AGRN: variants seen among roughly 807,000 people sequenced by gnomAD.
AGRN encodes the protein agrin.
A neutral mutation model predicts 211.0 loss-of-function variants in AGRN; 106 were observed. That is an observed-to-expected ratio of 0.50 (90% CI 0.43 to 0.59). The LOEUF (loss-of-function observed/expected upper bound fraction) is 0.59. Among genes scored for constraint, AGRN ranks in the 20% least tolerant of loss-of-function variants. The pLI is 0.00. For synonymous variants in AGRN, 1,525 were observed against 1,332.5 expected (o/e 1.14, Z -3.15); for missense variants, 3,040 against 2,982.6 (o/e 1.02, Z -0.45).
At chr1:1,052,309 C>T (rs1645319406) in intron 33 of AGRN, 1 of 351,698 alleles carries the variant, frequency 2.8e-6, no homozygotes, top group South Asian at 2.1e-5. Flanking sequence ...TGTGAACATG[C>T]AGCTGTGTCT....
chr1:1,034,058 C>T, intron 2 of AGRN: 4 of 939,204 alleles, frequency 4.3e-6, no homozygotes, highest in Non-Finnish European at 5.1e-6. Flanking sequence ...GCGCGGCCTC[C>T]GCAGGCGGCG....
intron 30 of AGRN, 45 bp downstream of exon 30, chr1:1,050,882 T>C (rs1185161981): frequency 2.0e-6 from 3 of 1,523,660 alleles, no homozygotes; most frequent in East Asian, 2.5e-5. Flanking sequence ...CTGCCTGCTC[T>C]TCCTCCTCGG....
At position 1,053,845 on chromosome 1, in the gene AGRN, G is replaced by A. The variant is rs150134229; in HGVS notation, c.5744G>A (p.Arg1915Gln). Residue 1915 changes from arginine to glutamine, a missense_variant, in exon 34 of 36, where the codon CGG becomes CAG. This residue lies in a region of AGRN where 1,537 missense variants were observed against 1,505.0 expected (regional missense o/e 1.02). Coordinates refer to ENST00000379370, the MANE Select transcript of AGRN (RefSeq NM_198576.4). ...CTCTGGAGTGGCAAGGCCACGGAGCGGGCAGACTATGTGGCACTGGCCATT... is the reference window on the plus strand; with the variant it reads ...CTCTGGAGTGGCAAGGCCACGGAGCAGGCAGACTATGTGGCACTGGCCATT... ...LVLWSGKATE[R>Q]ADYVALAIVD... 28 of 1,610,514 alleles carry A rather than the reference G, an allele frequency of 1.7e-5. No individual in the cohort carries two copies. Among genetic ancestry groups the A allele is most frequent in the Middle Eastern group, 1.7e-4 (1 of 5,880 alleles).
At chr1:1,053,610 C>T (rs1645370531) in intron 33 of AGRN, 143 bp from the exon 34 acceptor site, 1 of 1,491,648 alleles carries the variant, frequency 6.7e-7, no homozygotes, top group Non-Finnish European at 9.0e-7. Context: ...CTCCCTCCCA[C>T]TGTCGGTGTC....
Position 1,041,374 on chromosome 1 carries a change from T to G in AGRN, c.929T>G (p.Phe310Cys). Residue 310 changes from phenylalanine (F) to cysteine (C), a missense_variant, in exon 5 of 36, where the codon TTC becomes TGC. By Grantham distance (205) the Phe-to-Cys change is radical. Coordinates refer to ENST00000379370, the MANE Select transcript of AGRN (RefSeq NM_198576.4). Reference sequence around the variant, plus strand: ...GCCTGCGCCCGCCAGGAGAATGTCTTCAAGAAGTTCGACGGCCCTTGTGGT... The same window carrying G: ...GCCTGCGCCCGCCAGGAGAATGTCTGCAAGAAGTTCGACGGCCCTTGTGGT... ...RRACARQENVFKKFDGPCDPC... is the reference protein window; with the variant it reads ...RRACARQENVCKKFDGPCDPC... The G allele has an allele frequency of 6.5e-7, 1 of 1,540,818 alleles. No individual in the cohort carries two copies. Among genetic ancestry groups the G allele is most frequent in the Non-Finnish European group, 8.7e-7 (1 of 1,150,288 alleles).
At chr1:1,037,341 C>G (rs879417199) in intron 3 of AGRN, among the ~76,000 whole-genome samples, 2 of 152,190 alleles carry the variant, frequency 1.3e-5, no homozygotes, top group Non-Finnish European at 2.9e-5. Flanking sequence ...CCCCCTTCAC[C>G]TGGCCACAGC....
In AGRN at chr1:1,046,183, A is replaced by G. The variant is rs774682347; in HGVS notation, c.2829A>G (p.Thr943=). 4.0e-5 allele frequency: 65 copies of G among 1,613,728 alleles called. No homozygotes were observed. Among genetic ancestry groups the G allele is most frequent in the African/African-American group, 3.9e-4 (29 of 74,910 alleles). ...AGGTCTGTGGGTCAGATGGAGTCAC[A>G]TACGGCAACGAGTGTCAGCTGAAGA... ...ATKVCGSDGV[T]YGNECQLKTI... The change falls in exon 17 of 36, where the codon ACA becomes ACG. Residue 943 remains threonine, a synonymous_variant. Coordinates refer to ENST00000379370, the MANE Select transcript of AGRN (RefSeq NM_198576.4).
chr1:1,046,798 G>A (rs777796743), intron 18 of AGRN, 22 bp from the exon 19 acceptor site: 2 of 1,575,824 alleles, frequency 1.3e-6, no homozygotes, highest in Admixed American at 3.7e-5. Flanking sequence ...CCAGAGCCTG[G>A]GCTCAGAGCG....
At chr1:1,052,570 G>C (rs910729166) in intron 33 of AGRN, 2 of 202,862 alleles carry the variant, frequency 9.9e-6, no homozygotes, top group African/African-American at 4.7e-5. Context: ...AGGGAGACAC[G>C]CAGGTGTGTG....
chr1:1,054,492 T>A lies in AGRN; in HGVS notation c.5921T>A (p.Val1974Glu). 6.2e-7 allele frequency: 1 copy of A among 1,603,216 alleles called. No homozygotes were observed. Reference protein sequence around the residue: ...GSLQVGNEAPVTGSSPLGATQ... With the variant: ...GSLQVGNEAPETGSSPLGATQ... ...CTGCAGGTGGGCAATGAGGCCCCTG[T>A]GACCGGCTCCTCCCCGCTGGGCGCC... Residue 1974 changes from valine (V) to glutamate (E), a missense_variant, in exon 35 of 36, where the codon GTG becomes GAG. Val to Glu is a moderately radical substitution (Grantham distance 121). Coordinates refer to ENST00000379370, the MANE Select transcript of AGRN (RefSeq NM_198576.4).
chr1:1,041,319 T>C lies in AGRN; in HGVS notation c.874T>C (p.Tyr292His). Residue 292 changes from tyrosine (Y) to histidine (H), a missense_variant, in exon 5 of 36, where the codon TAC becomes CAC. Around this residue, in one of 3 missense-constraint regions of AGRN, gnomAD observed 1,498 missense variants for 1,457.8 expected, o/e 1.03. Coordinates refer to ENST00000379370, the MANE Select transcript of AGRN (RefSeq NM_198576.4). ...CGTCTGCGGCAGCGACGGCGCCGAC[T>C]ACCCCGGCGAGTGCCAGCTCCTGCG... ...GTVCGSDGAD[Y>H]PGECQLLRRA... 6 of 1,522,236 alleles carry C rather than the reference T, an allele frequency of 3.9e-6. No homozygotes were observed. Among genetic ancestry groups the C allele is most frequent in the Non-Finnish European group, 4.4e-6 (5 of 1,141,366 alleles). The allele number at this position is 1,522,236 out of a possible 1,614,324, so 94.3% of individuals were successfully genotyped here.
intron 33 of AGRN, chr1:1,053,364 T>G: frequency 4.5e-6 from 5 of 1,121,202 alleles, no homozygotes; most frequent in Non-Finnish European, 5.8e-6. Context: ...ATGTCTTCTG[T>G]GGGTGCCTGC....
Position 1,043,099 on chromosome 1 carries a change from T to C in AGRN, c.1385-140T>C, listed in dbSNP as rs1034694900. 6.5e-5 allele frequency: 60 copies of C among 923,256 alleles called. No homozygotes were observed. In the African/African-American group the frequency reaches 9.2e-4, roughly 14 times the overall value. 57.2% of individuals were successfully genotyped at this position (923,256 alleles called of 1,614,324 possible). On this transcript the variant is annotated intron_variant, in intron 7 of 35. Transcript: ENST00000379370. ...CTGTCCCTTTCTCTGCCGTGTCTGC[T>C]GTGCATCTGGCCCTTCTCCTGTGTT...
In AGRN at chr1:1,044,164, G is replaced by C. The variant is rs954560285; in HGVS notation, c.2055G>C (p.Glu685Asp). The C allele has an allele frequency of 1.2e-5, 20 of 1,613,178 alleles. No homozygotes were observed. The highest frequency in any genetic ancestry group is 1.7e-5 in the Non-Finnish European group (20 of 1,179,936). The change falls in exon 11 of 36, where the codon GAG becomes GAC. Residue 685 changes from glutamate (E) to aspartate (D), a missense_variant. Transcript: ENST00000379370. ...GGGAGGACGGTGACTGTGAGCAGGA[G>C]CTGTGCCGGCAGCGCGGTGGCATCT... ...GSGEDGDCEQELCRQRGGIWD... is the reference protein window; with the variant it reads ...GSGEDGDCEQDLCRQRGGIWD...
rs140413528 is a variant in AGRN, at chr1:1,021,242, C to T, written c.201+869C>T. On this transcript the variant is annotated intron_variant, in intron 1 of 35. Transcript: ENST00000379370. The stretch of plus-strand genomic sequence containing the variant: ...ACAGCGGCCAGGGCACTTTGCCAGG[C>T]CCCTGCAGGATTTTCCCGACTTCCT... Among the ~76,000 whole-genome samples, 71 of 152,346 alleles carry T rather than the reference C, an allele frequency of 4.7e-4. 1 individual carries two copies. The highest frequency in any genetic ancestry group is 1.6e-3 in the African/African-American group (66 of 41,578).
chr1:1,046,512 C>A lies in AGRN; in HGVS notation c.3027C>A (p.Ser1009Arg). 1 of 1,611,062 alleles carries A rather than the reference C, an allele frequency of 6.2e-7. No individual in the cohort carries two copies. The highest frequency in any genetic ancestry group is 8.5e-7 in the Non-Finnish European group (1 of 1,178,942). Residue 1009 changes from serine to arginine, a missense_variant, in exon 18 of 36, where the codon AGC becomes AGA. Physicochemically the swap from Ser to Arg is moderately radical, Grantham distance 110. Coordinates refer to ENST00000379370, the MANE Select transcript of AGRN (RefSeq NM_198576.4). ...APPGALPLAP[S>R]STAHSQTTPP... is the part of the protein sequence containing the mutation. Reference sequence around the variant, plus strand: ...CCGGCGCCCTCCCCCTGGCTCCCAGCAGTACCGCACACAGCCAGACCACCC... The same window carrying A: ...CCGGCGCCCTCCCCCTGGCTCCCAGAAGTACCGCACACAGCCAGACCACCC...
intron 33 of AGRN, chr1:1,053,429 C>T: frequency 7.1e-7 from 1 of 1,411,248 alleles, no homozygotes; most frequent in Non-Finnish European, 9.4e-7. Flanking sequence ...CTGTCCCCTG[C>T]TCACCCGCCT....
chr1:1,048,561 G>A lies in AGRN; in HGVS notation c.4105+196G>A, dbSNP rs926461828. Reference sequence around the variant, plus strand: ...CGAGGCAGGCGGATCACCTGAGGTCGGGAGTTCGAGACCAGCCTGACCAAC... The same window carrying A: ...CGAGGCAGGCGGATCACCTGAGGTCAGGAGTTCGAGACCAGCCTGACCAAC... On this transcript the variant is annotated intron_variant, in intron 23 of 35. Coordinates refer to ENST00000379370, the MANE Select transcript of AGRN (RefSeq NM_198576.4). The surrounding 1 kb of genome is among the most constrained non-coding windows in gnomAD (Gnocchi z 5.9). 1.3e-4 allele frequency: 78 copies of A among 595,988 alleles called. No homozygotes were observed. Among genetic ancestry groups the A allele is most frequent in the African/African-American group, 7.9e-4 (42 of 52,936 alleles). The allele number at this position is 595,988 out of a possible 1,614,324, so 36.9% of individuals were successfully genotyped here. A position where few individuals can be genotyped will look rare whatever the true frequency, so the allele number is the denominator to read the frequency against.
chr1:1,050,815 C>T lies in AGRN; in HGVS notation c.5231C>T (p.Pro1744Leu). The change falls in exon 30 of 36, where the codon CCC becomes CTC. Residue 1744 changes from proline (P) to leucine (L), a missense_variant. By Grantham distance (98) the Pro-to-Leu change is moderately conservative (BLOSUM62 -3). This residue lies in a region of AGRN where 1,537 missense variants were observed against 1,505.0 expected (regional missense o/e 1.02). Transcript: ENST00000379370. ...RKGALRVGDG[P>L]RVLGESPVPH... Reference sequence around the variant, plus strand: ...GGTGCCCTGCGTGTGGGCGACGGCCCCCGTGTGTTGGGGGAGTCCCCGGTG... The same window carrying T: ...GGTGCCCTGCGTGTGGGCGACGGCCTCCGTGTGTTGGGGGAGTCCCCGGTG... 2 of 1,589,000 alleles carry T rather than the reference C, an allele frequency of 1.3e-6. No individual in the cohort carries two copies. The highest frequency in any genetic ancestry group is 1.7e-6 in the Non-Finnish European group (2 of 1,172,124).
Sources: allele counts gnomAD v4.1 joint callset (sites outside exome capture counted in the v4.1 genomes callset), GRCh38; gene constraint gnomAD v4.1.1; regional missense constraint gnomAD v4.1.1; non-coding constraint Gnocchi (gnomAD v3.1); transcripts MANE v1.5; gene names NCBI Gene and HGNC (gene_info 2026-07-23, HGNC 2026-07-21).